Variants in EPB41 observed in about 807,000 individuals in gnomAD.
EPB41 encodes protein 4.1.
A neutral mutation model predicts 108.0 loss-of-function variants in EPB41; 65 were observed. The observed-to-expected ratio is 0.60, with a 90% CI of 0.49 to 0.74. The LOEUF is 0.74. Among genes scored for constraint, EPB41 ranks in the 30% least tolerant of loss-of-function variants. EPB41 has a pLI of 0.00. For synonymous variants in EPB41, 336 were observed against 358.9 expected (o/e 0.94, Z 0.72); for missense variants, 875 against 1,037.0 (o/e 0.84, Z 2.15).
chr1:28,905,154 G>T (rs1342504992), intron 1 of EPB41, among the ~76,000 whole-genome samples: 2 of 144,308 alleles, frequency 1.4e-5, no homozygotes, highest in African/African-American at 5.2e-5. Context: ...AGGCGAGATT[G>T]CGCCACTGCA....
intron 1 of EPB41, chr1:28,902,317 C>T: frequency 2.0e-6 from 2 of 985,370 alleles, no homozygotes; most frequent in Non-Finnish European, 1.2e-6. Context: ...TGTTCTGGAG[C>T]CCGAGCTTTG....
chr1:29,043,673 G>A (rs1357172358), intron 11 of EPB41, among the ~76,000 whole-genome samples: 1 of 152,216 alleles, frequency 6.6e-6, no homozygotes, highest in African/African-American at 2.4e-5. Flanking sequence ...GGCCTTGTGG[G>A]TCACAGTAAA....
intron 1 of EPB41, among the ~76,000 whole-genome samples, chr1:28,920,638 A>G (rs1039908867): frequency 5.3e-5 from 8 of 151,922 alleles, no homozygotes; most frequent in Admixed American, 5.3e-4. Flanking sequence ...ATTTTTATTT[A>G]TTTATTTATT....
At chr1:28,931,403 G>C (rs899190423) in intron 1 of EPB41, among the ~76,000 whole-genome samples, 1 of 144,634 alleles carries the variant, frequency 6.9e-6, no homozygotes, top group Non-Finnish European at 1.5e-5. Flanking sequence ...CTGAAAAATA[G>C]CACAAATATC....
intron 1 of EPB41, among the ~76,000 whole-genome samples, chr1:28,983,895 C>T (rs2095814318): frequency 6.6e-6 from 1 of 152,106 alleles, no homozygotes; most frequent in Non-Finnish European, 1.5e-5. Context: ...TTTGTATCTG[C>T]ACACATGGCT....
At chr1:28,999,677 C>T (rs1214408124) in intron 4 of EPB41, among the ~76,000 whole-genome samples, 29 of 152,122 alleles carry the variant, frequency 1.9e-4, no homozygotes, top group Admixed American at 1.9e-3. Flanking sequence ...TACAGTTGAG[C>T]TTCTAGGGCC....
At chr1:28,901,349 T>C (rs139358371) in intron 1 of EPB41, among the ~76,000 whole-genome samples, 4 of 123,654 alleles carry the variant, frequency 3.2e-5, no homozygotes, top group Non-Finnish European at 7.4e-5. Context: ...CTCAGCCTCC[T>C]GAGTAGCTGG....
chr1:28,995,984 C>T (rs2096164301), intron 3 of EPB41, among the ~76,000 whole-genome samples: 1 of 152,188 alleles, frequency 6.6e-6, no homozygotes, highest in South Asian at 2.1e-4. Flanking sequence ...GAGGACATGT[C>T]ATATATGTTT....
At chr1:29,109,697 C>G (rs1002076665) in intron 18 of EPB41, 1 of 504,026 alleles carries the variant, frequency 2.0e-6, no homozygotes, top group East Asian at 3.7e-5. Flanking sequence ...ACATCTGTCT[C>G]TCTGGTCAGT....
intron 1 of EPB41, among the ~76,000 whole-genome samples, chr1:28,917,056 G>T (rs1298985173): frequency 6.6e-6 from 1 of 152,070 alleles, no homozygotes; most frequent in Non-Finnish European, 1.5e-5. Flanking sequence ...CTCCCAAAGT[G>T]CTGGGATTAC....
chr1:28,913,608 A>G (rs969354476), upstream of EPB41, among the ~76,000 whole-genome samples: 1 of 152,164 alleles, frequency 6.6e-6, no homozygotes, highest in African/African-American at 2.4e-5. Flanking sequence ...CTGCTGTCAG[A>G]TGGCCTGGCT....
At chr1:29,037,458 G>T (rs889773031) in intron 10 of EPB41, among the ~76,000 whole-genome samples, 2 of 152,202 alleles carry the variant, frequency 1.3e-5, no homozygotes, top group African/African-American at 4.8e-5. Flanking sequence ...ACCATGTTAG[G>T]CATTGGGAAT....
chr1:28,999,083 TG>T, intron 4 of EPB41, among the ~76,000 whole-genome samples: 1 of 152,178 alleles, frequency 6.6e-6, no homozygotes. Context: ...AATTCTCCCA[TG>T]AATTGGCGGG....
In EPB41 at chr1:28,887,563, C is replaced by T. The variant is rs2089565396; in HGVS notation, c.-8+353C>T. The T allele has an allele frequency of 1.0e-6, 1 of 985,300 alleles. No individual in the cohort carries two copies. Among genetic ancestry groups the T allele is most frequent in the East Asian group, 1.1e-4 (1 of 8,794 alleles). The allele number at this position is 985,300 out of a possible 1,614,324, so 61.0% of individuals were successfully genotyped here. On this transcript the variant is annotated intron_variant, in intron 1 of 16. Coordinates refer to the EPB41 transcript ENST00000347529. This position sits in a 1 kb window ranked among gnomAD's most constrained non-coding sequence, Gnocchi z 4.9. ...GAGTCCCTGCAGGTCGGCGCAGCCC[C>T]CGGCCGCCCCCTAGCCCCGCCTTGC...
In EPB41 at chr1:29,058,829, G is replaced by A. The variant is rs1573322015; in HGVS notation, c.1921G>A (p.Glu641Lys). 1.3e-6 allele frequency: 2 copies of A among 1,549,508 alleles called. No individual in the cohort carries two copies. Among genetic ancestry groups the A allele is most frequent in the African/African-American group, 1.4e-5 (1 of 73,034 alleles). ...DQTQKLAEKTEDLIRMRKKKR... is the reference protein window; with the variant it reads ...DQTQKLAEKTKDLIRMRKKKR... The stretch of plus-strand genomic sequence containing the variant: ...AAAACAGAAGCTTGCAGAAAAAACT[G>A]AAGATCTGATAAGAATGAGGAAGGT... Residue 641 changes from glutamate (E) to lysine (K), a missense_variant, in exon 14 of 21, where the codon GAA (glutamate) becomes AAA (lysine). Coordinates refer to ENST00000343067, the MANE Select transcript of EPB41 (RefSeq NM_001376013.1).
chr1:29,101,298 T>C (rs1374531696), intron 17 of EPB41, among the ~76,000 whole-genome samples: 1 of 152,162 alleles, frequency 6.6e-6, no homozygotes, highest in African/African-American at 2.4e-5. Flanking sequence ...ACCAACTAGG[T>C]AACCTTAGGC....
chr1:29,065,295 G>C, intron 16 of EPB41, 137 bp downstream of exon 16: 1 of 1,369,218 alleles, frequency 7.3e-7, no homozygotes, highest in East Asian at 2.6e-5. Flanking sequence ...GCTGCTTTAA[G>C]GCATTTGTAA....
intron 4 of EPB41, among the ~76,000 whole-genome samples, chr1:29,000,300 A>G (rs1343926502): frequency 6.6e-6 from 1 of 152,108 alleles, no homozygotes; most frequent in Non-Finnish European, 1.5e-5. Flanking sequence ...GGGTTTCACC[A>G]TATTGGCCAG....
chr1:28,934,316 T>A lies in EPB41; in HGVS notation c.-8+19548T>A, dbSNP rs548270948. On this transcript the variant is annotated intron_variant, in intron 1 of 20. Coordinates refer to ENST00000343067, the MANE Select transcript of EPB41 (RefSeq NM_001376013.1). ...TTATCACTACTGATGTTGACCTTGG[T>A]CTTAAGGTAGTTTATCAGGTTTCTC... Among the ~76,000 whole-genome samples, 8 of 152,282 alleles carry A rather than the reference T, an allele frequency of 5.3e-5. No homozygotes were observed. In the South Asian group the frequency reaches 1.7e-3, roughly 32 times the overall value.
Sources: gnomAD v4.1 joint callset for allele counts (sites outside exome capture counted in the v4.1 genomes callset) on GRCh38, gnomAD v4.1.1 for gene constraint, Gnocchi (gnomAD v3.1) non-coding constraint, MANE v1.5 for transcripts, NCBI Gene and HGNC (gene_info 2026-07-23, HGNC 2026-07-21) for gene names.